NTAQ1: variants seen among roughly 807,000 people sequenced by gnomAD.
The protein encoded by NTAQ1 is protein N-terminal glutamine amidohydrolase.
NTAQ1 carries 21 observed loss-of-function variants against 28.2 expected under a neutral mutation model. The ratio of observed to expected loss-of-function variants is 0.74; its 90% CI spans 0.53 to 1.07. The LOEUF (loss-of-function observed/expected upper bound fraction) is 1.07. Among genes scored for constraint, NTAQ1 ranks in the 50% least tolerant of loss-of-function variants. The probability of loss-of-function intolerance (pLI) is 0.00; values close to 1 mark genes in which losing one functional copy is unlikely to be tolerated. For synonymous variants in NTAQ1, 105 were observed against 90.0 expected (o/e 1.17, Z -0.94); for missense variants, 264 against 256.6 (o/e 1.03, Z -0.20).
In NTAQ1 at chr8:123,435,833, C is replaced by T. The variant is rs577910885; in HGVS notation, c.235-620C>T. ...AGTGAGCTGAGATTATGCCACTGCA[C>T]GCCAGCCTGGGTGATAGAGCAAGAC... On this transcript the variant is annotated intron_variant, in intron 3 of 5. Transcript: ENST00000287387. 2.7e-5 allele frequency among the ~76,000 whole-genome samples: 4 copies of T among 150,562 alleles called. No individual in the cohort carries two copies. The South Asian group carries it at 6.3e-4, about 24-fold the overall frequency.
At chr8:123,437,642 G>A (rs1488488215) in intron 5 of NTAQ1, among the ~76,000 whole-genome samples, 1 of 151,348 alleles carries the variant, frequency 6.6e-6, no homozygotes, top group Non-Finnish European at 1.5e-5. Context: ...GGCAGAGCTT[G>A]CAGTGAGCTG....
downstream of NTAQ1, among the ~76,000 whole-genome samples, chr8:123,446,251 CCACCT>C (rs1216275607): frequency 6.6e-6 from 1 of 152,148 alleles, no homozygotes; most frequent in African/African-American, 2.4e-5. Context: ...GTGATTCCCC[CCACCT>C]CAGCCTCCCA....
chr8:123,435,016 A>G (rs577938782), intron 3 of NTAQ1, among the ~76,000 whole-genome samples: 2 of 152,338 alleles, frequency 1.3e-5, no homozygotes, highest in South Asian at 2.1e-4. Context: ...CAGGATTTAT[A>G]CAGGGCTCAA....
At chr8:123,449,380 C>T (rs1354946296), downstream of NTAQ1, among the ~76,000 whole-genome samples, 5 of 152,150 alleles carry the variant, frequency 3.3e-5, no homozygotes, top group Non-Finnish European at 7.3e-5. Context: ...CAATTAACAG[C>T]TTGATGATTT....
At chr8:123,447,497 A>G (rs1003290788) in intron 6 of NTAQ1, among the ~76,000 whole-genome samples, 2 of 152,178 alleles carry the variant, frequency 1.3e-5, no homozygotes, top group African/African-American at 4.8e-5. Flanking sequence ...TTTTCTGACA[A>G]TCTGATGGGG....
intron 3 of NTAQ1, among the ~76,000 whole-genome samples, chr8:123,431,229 C>G (rs913983895): frequency 6.6e-6 from 1 of 151,340 alleles, no homozygotes; most frequent in African/African-American, 2.4e-5. Flanking sequence ...CCCAGCTACT[C>G]GGGAGGCTGA....
Position 123,429,944 on chromosome 8 carries a change from A to G in NTAQ1, c.184-39A>G, listed in dbSNP as rs1814295106. 4 of 1,479,248 alleles carry G rather than the reference A, an allele frequency of 2.7e-6. No homozygotes were observed. The South Asian group carries it at 3.7e-5, about 14-fold the overall frequency. 91.6% of individuals were successfully genotyped at this position (1,479,248 alleles called of 1,614,324 possible). On this transcript the variant is annotated intron_variant, in intron 2 of 5. Transcript: ENST00000287387. ...AGGAAAATAATTTAGTAGTGGTTTA[A>G]CTAAAGGTATGGCTTACGAAATGTA...
chr8:123,438,597 G>A (rs1287463313), intron 5 of NTAQ1, among the ~76,000 whole-genome samples: 21 of 151,708 alleles, frequency 1.4e-4, no homozygotes, highest in Non-Finnish European at 1.5e-4. Flanking sequence ...TGCTTGAACC[G>A]GGAGGCAGAG....
intron 1 of NTAQ1, 43 bp downstream of exon 1, chr8:123,416,975 G>A: frequency 7.1e-7 from 1 of 1,400,580 alleles, no homozygotes; most frequent in Non-Finnish European, 9.3e-7. Flanking sequence ...CCAGGCTCCC[G>A]GGCGGCGAGT....
chr8:123,417,040 A>C (rs1586919898), intron 1 of NTAQ1, 108 bp downstream of exon 1: 2 of 1,138,702 alleles, frequency 1.8e-6, no homozygotes, highest in East Asian at 6.4e-5. Flanking sequence ...CCCGGCCTCT[A>C]CCGGCGGGTT....
At chr8:123,466,269 C>G in intron 6 of NTAQ1, among the ~76,000 whole-genome samples, 1 of 152,280 alleles carries the variant, frequency 6.6e-6, no homozygotes, top group East Asian at 1.9e-4. Flanking sequence ...ACAACTGTGC[C>G]ACTCAGAAGC....
chr8:123,439,144 C>T (rs1354659479), intron 5 of NTAQ1, among the ~76,000 whole-genome samples: 1 of 151,836 alleles, frequency 6.6e-6, no homozygotes, highest in African/African-American at 2.4e-5. Context: ...AGCCCAATTA[C>T]TATATGGGCT....
intron 6 of NTAQ1, among the ~76,000 whole-genome samples, chr8:123,463,999 C>T (rs928056034): frequency 2.0e-5 from 3 of 152,194 alleles, no homozygotes; most frequent in Admixed American, 1.3e-4. Flanking sequence ...AGGGGACTCC[C>T]CCGCACATGC....
downstream of NTAQ1, among the ~76,000 whole-genome samples, chr8:123,446,524 CCCT>C (rs1376454189): frequency 1.4e-5 from 2 of 138,434 alleles, no homozygotes; most frequent in Admixed American, 7.5e-5. Context: ...GTCTTTGGAG[CCCT>C]CCTCCCTCTG....
intron 3 of NTAQ1, among the ~76,000 whole-genome samples, chr8:123,434,539 C>T (rs2130277419): frequency 6.6e-6 from 1 of 152,190 alleles, no homozygotes; most frequent in East Asian, 1.9e-4. Context: ...GTGGGAAAAT[C>T]ACTCGAACCC....
chr8:123,428,635 CTG>C (rs1224107859), intron 2 of NTAQ1, among the ~76,000 whole-genome samples: 2 of 151,834 alleles, frequency 1.3e-5, no homozygotes, highest in Non-Finnish European at 2.9e-5. Flanking sequence ...GAGTCTCACT[CTG>C]TTGCCCAGGC....
chr8:123,463,652 C>T (rs552928549), intron 6 of NTAQ1, among the ~76,000 whole-genome samples: 35 of 152,208 alleles, frequency 2.3e-4, no homozygotes, highest in South Asian at 1.9e-3. Flanking sequence ...TTAGGTTCCT[C>T]GTAAAAGGCT....
chr8:123,458,705 T>C (rs1177324037), intron 6 of NTAQ1, among the ~76,000 whole-genome samples: 1 of 150,508 alleles, frequency 6.6e-6, no homozygotes, highest in Non-Finnish European at 1.5e-5. Flanking sequence ...CACTGCAAGC[T>C]CCGCCTCCTG....
chr8:123,453,257 A>G (rs1185322208), intron 6 of NTAQ1, among the ~76,000 whole-genome samples: 1 of 152,098 alleles, frequency 6.6e-6, no homozygotes, highest in East Asian at 1.9e-4. Flanking sequence ...GGCCCCCGTT[A>G]CAGTTTTGCA....
Sources: allele counts gnomAD v4.1 joint callset (sites outside exome capture counted in the v4.1 genomes callset), GRCh38; gene constraint gnomAD v4.1.1; transcripts MANE v1.5; gene names NCBI Gene and HGNC (gene_info 2026-07-23, HGNC 2026-07-21).